DNAH14: variants seen among roughly 807,000 people sequenced by gnomAD.
DNAH14 encodes axonemal beta dynein heavy chain 14.
DNAH14 carries 478 observed loss-of-function variants against 520.9 expected under a neutral mutation model. The ratio of observed to expected loss-of-function variants is 0.92; its 90% CI spans 0.85 to 0.99. DNAH14 has a LOEUF of 0.99. Among genes scored for constraint, DNAH14 ranks in the 50% least tolerant of loss-of-function variants. DNAH14 has a pLI of 0.00. For missense variants in DNAH14, 4,831 were observed against 5,234.5 expected (o/e 0.92, Z 2.38); for synonymous variants, 1,581 against 1,757.2 (o/e 0.90, Z 2.51).
intron 41 of DNAH14, among the ~76,000 whole-genome samples, chr1:225,220,798 A>G (rs780879825): frequency 3.3e-5 from 5 of 152,246 alleles, no homozygotes; most frequent in Non-Finnish European, 7.3e-5. Context: ...ATTAGAAAAA[A>G]ACTACTTTAA....
chr1:225,348,987 T>A (rs973394940), intron 71 of DNAH14, among the ~76,000 whole-genome samples: 1 of 152,158 alleles, frequency 6.6e-6, no homozygotes, highest in Non-Finnish European at 1.5e-5. Flanking sequence ...TTGATTTCTT[T>A]TTTTGAGACA....
intron 76 of DNAH14, among the ~76,000 whole-genome samples, chr1:225,367,136 A>AAACT (rs55883828): frequency 0.076 from 11,539 of 152,036 alleles, 548 homozygotes; most frequent in South Asian, 0.12. Context: ...TTATATATAT[A>AAACT]AACTGTGCAA....
At chr1:225,147,281 T>A in intron 31 of DNAH14, 32 bp downstream of exon 31, 2 of 1,506,390 alleles carry the variant, frequency 1.3e-6, no homozygotes, top group South Asian at 1.3e-5. Flanking sequence ...ACCTTTTGAA[T>A]TGAAATCTGA....
At chr1:225,247,663 G>T (rs747354157) in intron 43 of DNAH14, among the ~76,000 whole-genome samples, 1 of 152,164 alleles carries the variant, frequency 6.6e-6, no homozygotes, top group Admixed American at 6.5e-5. Context: ...TAGTGAAACT[G>T]CAAAATGTCA....
At chr1:225,143,367 CTT>C (rs2079620744) in intron 28 of DNAH14, among the ~76,000 whole-genome samples, 1 of 152,212 alleles carries the variant, frequency 6.6e-6, no homozygotes, top group African/African-American at 2.4e-5. Flanking sequence ...TCATCTGAGA[CTT>C]TTGCAAGGTA....
At chr1:225,366,775 T>C in intron 76 of DNAH14, among the ~76,000 whole-genome samples, 1 of 151,386 alleles carries the variant, frequency 6.6e-6, no homozygotes, top group Non-Finnish European at 1.5e-5. Flanking sequence ...TTGCTTACAC[T>C]CCAGGGGTTG....
intron 54 of DNAH14, among the ~76,000 whole-genome samples, chr1:225,283,668 A>G (rs2093675090): frequency 6.6e-6 from 1 of 152,150 alleles, no homozygotes; most frequent in African/African-American, 2.4e-5. Context: ...CTTCAACAGT[A>G]TAGTAAAACA....
intron 23 of DNAH14, among the ~76,000 whole-genome samples, chr1:225,108,404 A>G (rs897980830): frequency 2.6e-5 from 4 of 152,170 alleles, no homozygotes; most frequent in African/African-American, 9.7e-5. Flanking sequence ...ATACTCCTTA[A>G]TAAACTCCCT....
At chr1:225,204,944 A>T (rs895167810) in intron 39 of DNAH14, among the ~76,000 whole-genome samples, 4 of 152,172 alleles carry the variant, frequency 2.6e-5, no homozygotes, top group Non-Finnish European at 5.9e-5. Context: ...TGGGACTTTG[A>T]GGCCATTCCT....
intron 21 of DNAH14, among the ~76,000 whole-genome samples, chr1:225,096,727 C>T (rs1199576028): frequency 1.3e-5 from 2 of 152,098 alleles, no homozygotes; most frequent in East Asian, 3.8e-4. Flanking sequence ...ATATGTGCAT[C>T]TATATGTGAA....
Position 225,147,203 on chromosome 1 carries a change from T to G in DNAH14, c.4894T>G (p.Ser1632Ala), listed in dbSNP as rs2080032086. The G allele has an allele frequency of 6.4e-7, 1 of 1,550,586 alleles. No individual in the cohort carries two copies. Reference sequence around the variant, plus strand: ...TTTGGAAGTTCTCTCTGTCATTGCCTCACAGATCCTAACAATTAAGGCTGC... The same window carrying G: ...TTTGGAAGTTCTCTCTGTCATTGCCGCACAGATCCTAACAATTAAGGCTGC... The part of the protein sequence containing the change: ...IDLEVLSVIA[S>A]QILTIKAAKD... The change falls in exon 31 of 86, where the codon TCA becomes GCA. Residue 1632 changes from serine to alanine, a missense_variant. By Grantham distance (99) the Ser-to-Ala change is moderately conservative. Coordinates refer to ENST00000682510, the MANE Select transcript of DNAH14 (RefSeq NM_001367479.1).
In DNAH14 at chr1:225,333,394, C is replaced by A; in HGVS notation, c.9968C>A (p.Thr3323Lys). 6.4e-6 allele frequency: 10 copies of A among 1,551,652 alleles called. No individual in the cohort carries two copies. Among genetic ancestry groups the A allele is most frequent in the Non-Finnish European group, 8.7e-6 (10 of 1,146,914 alleles). Residue 3323 changes from threonine to lysine, a missense_variant, in exon 66 of 86, where the codon ACA becomes AAA. Thr to Lys is a moderately conservative substitution (Grantham distance 78, BLOSUM62 -1). Coordinates refer to ENST00000682510, the MANE Select transcript of DNAH14 (RefSeq NM_001367479.1). ...TGCATTGTCTACAGTGGAATTTTAA[C>A]ACCAGAATTTCGCCAGTTGATTGTG... ...AACIVYSGIL[T>K]PEFRQLIVNK... is the part of the protein sequence containing the mutation.
chr1:225,062,956 C>A (rs955783063), intron 17 of DNAH14, among the ~76,000 whole-genome samples: 1 of 151,790 alleles, frequency 6.6e-6, no homozygotes, highest in East Asian at 1.9e-4. Flanking sequence ...CCAGAAATTA[C>A]TAAATATGCC....
chr1:225,350,764 A>T (rs571789884), intron 71 of DNAH14, among the ~76,000 whole-genome samples: 1 of 152,254 alleles, frequency 6.6e-6, no homozygotes, highest in African/African-American at 2.4e-5. Context: ...CTGCCAAAAA[A>T]AAAAGAAAAT....
intron 55 of DNAH14, among the ~76,000 whole-genome samples, chr1:225,296,170 G>A (rs1177284518): frequency 6.6e-6 from 1 of 151,880 alleles, no homozygotes; most frequent in Non-Finnish European, 1.5e-5. Context: ...CTTATAGTTG[G>A]GTCTTGTTTT....
chr1:225,367,008 T>TACACAC lies in DNAH14; in HGVS notation c.12091-765_12091-760dup, dbSNP rs111814272. On this transcript the variant is annotated intron_variant, in intron 76 of 85. Coordinates refer to ENST00000682510, the MANE Select transcript of DNAH14 (RefSeq NM_001367479.1). ...CCCTGATCCAAAAGTCTCATGTTCA[T>TACACAC]ACACACACACACACACACACACACA... Among the ~76,000 whole-genome samples the TACACAC allele has an allele frequency of 1.1e-3, 163 of 149,504 alleles. 1 individual carries two copies. Among genetic ancestry groups the TACACAC allele is most frequent in the African/African-American group, 3.8e-3 (156 of 40,708 alleles).
At chr1:225,365,032 C>A in intron 76 of DNAH14, 138 bp downstream of exon 76, 1 of 623,598 alleles carries the variant, frequency 1.6e-6, no homozygotes, top group Non-Finnish European at 2.7e-6. Flanking sequence ...CTGCTTTGTG[C>A]TCAACCCTAT....
chr1:224,967,607 G>A (rs1415903903), intron 6 of DNAH14, 24 bp downstream of exon 6: 3 of 1,594,592 alleles, frequency 1.9e-6, no homozygotes, highest in African/African-American at 2.7e-5. Context: ...GATGTTTTAA[G>A]CTTTCAGAAT....
intron 21 of DNAH14, among the ~76,000 whole-genome samples, chr1:225,092,811 A>G (rs1337572440): frequency 2.6e-5 from 4 of 152,086 alleles, no homozygotes; most frequent in South Asian, 2.1e-4. Context: ...GAAGATCCAA[A>G]TAAACGCAAT....
Sources: gnomAD v4.1 joint callset for allele counts (sites outside exome capture counted in the v4.1 genomes callset) on GRCh38, gnomAD v4.1.1 for gene constraint, MANE v1.5 for transcripts, NCBI Gene and HGNC (gene_info 2026-07-23, HGNC 2026-07-21) for gene names.